The following APOBEC2 variants were observed in gnomAD, a reference collection of about 807,000 sequenced individuals.
APOBEC2 encodes apolipoprotein B mRNA editing enzyme catalytic subunit 2.
Under a neutral mutation model 19.4 loss-of-function variants are expected in APOBEC2, and 14 were observed. That is an observed-to-expected ratio of 0.72 (90% CI 0.48 to 1.13). The LOEUF (loss-of-function observed/expected upper bound fraction) is 1.13. Among genes scored for constraint, APOBEC2 ranks in the 50% most tolerant of loss-of-function variants. The pLI is 0.00. For synonymous variants in APOBEC2, 127 were observed against 112.1 expected, an observed-to-expected ratio of 1.13 and a Z score of -0.84; for missense variants, 304 against 277.0, an observed-to-expected ratio of 1.10 and a Z score of -0.69.
chr6:41,059,884 T>C (rs1332566618), intron 1 of APOBEC2, among the ~76,000 whole-genome samples: 6 of 152,178 alleles, frequency 3.9e-5, no homozygotes, highest in African/African-American at 1.4e-4. Flanking sequence ...CAGGCAATAG[T>C]AGAATTAATG....
intron 1 of APOBEC2, among the ~76,000 whole-genome samples, chr6:41,056,389 G>A (rs1373248957): frequency 6.6e-6 from 1 of 152,234 alleles, no homozygotes; most frequent in East Asian, 1.9e-4. Context: ...CCAAAGTGCT[G>A]GGACTATTGG....
At chr6:41,054,503 A>AT (rs1277235362) in intron 1 of APOBEC2, among the ~76,000 whole-genome samples, 2 of 152,174 alleles carry the variant, frequency 1.3e-5, no homozygotes, top group Non-Finnish European at 2.9e-5. Flanking sequence ...TTGACAAGTG[A>AT]TTTTCCAGTC....
rs760829942 is a variant in APOBEC2, at chr6:41,061,543, G to A, written c.347G>A (p.Arg116Gln). The stretch of plus-strand genomic sequence containing the variant: ...CTGCCAGCCTTCGACCCAGCCCTGC[G>A]GTACAATGTCACCTGGTATGTGTCC... ...TILPAFDPALRYNVTWYVSSS... is the reference protein window; with the variant it reads ...TILPAFDPALQYNVTWYVSSS... The change falls in exon 2 of 3, where the codon CGG becomes CAG. Residue 116 changes from arginine to glutamine, a missense_variant. Physicochemically the swap from Arg to Gln is conservative, Grantham distance 43. Coordinates refer to ENST00000244669, the MANE Select transcript of APOBEC2 (RefSeq NM_006789.4). The A allele has an allele frequency of 1.7e-5, 27 of 1,614,058 alleles. No homozygotes were observed. The highest frequency in any genetic ancestry group is 1.6e-4 in the Middle Eastern group (1 of 6,084).
In APOBEC2 at chr6:41,061,586, G is replaced by A. The variant is rs567946423; in HGVS notation, c.390G>A (p.Ala130=). 58 of 1,614,204 alleles carry A rather than the reference G, an allele frequency of 3.6e-5. No individual in the cohort carries two copies. The highest frequency in any genetic ancestry group is 3.2e-4 in the South Asian group (29 of 91,084). Residue 130 remains alanine (A), a synonymous_variant, in exon 2 of 3, where the codon GCG becomes GCA. Coordinates refer to ENST00000244669, the MANE Select transcript of APOBEC2 (RefSeq NM_006789.4). The part of the protein sequence containing the change: ...TWYVSSSPCA[A]CADRIIKTLS... ...ATGTGTCCTCCAGCCCCTGTGCAGC[G>A]TGTGCTGACCGCATTATCAAAACCC...
intron 1 of APOBEC2, among the ~76,000 whole-genome samples, chr6:41,059,875 A>G (rs988195501): frequency 2.0e-5 from 3 of 152,248 alleles, no homozygotes; most frequent in African/African-American, 7.2e-5. Context: ...AGGTGGAGAC[A>G]GGCAATAGTA....
chr6:41,062,293 G>A (rs1214400338), intron 2 of APOBEC2, among the ~76,000 whole-genome samples: 1 of 152,204 alleles, frequency 6.6e-6, no homozygotes, highest in African/African-American at 2.4e-5. Context: ...ACATCTTCTA[G>A]ATGCCTCACT....
intron 1 of APOBEC2, among the ~76,000 whole-genome samples, chr6:41,055,773 T>C (rs990807926): frequency 2.0e-5 from 3 of 152,194 alleles, no homozygotes; most frequent in Non-Finnish European, 4.4e-5. Context: ...GGTAGAATGT[T>C]CTGGAAAAGG....
chr6:41,053,774 G>C (rs12204489), intron 1 of APOBEC2, among the ~76,000 whole-genome samples: 62 of 152,320 alleles, frequency 4.1e-4, no homozygotes, highest in Non-Finnish European at 7.5e-4. Context: ...ATGGCCACCT[G>C]CCTCTCTGGG....
rs1762937212 is a variant in APOBEC2, at chr6:41,064,688, G to A, written c.*609G>A. 2 of 152,088 alleles carry A rather than the reference G, an allele frequency of 1.3e-5. No individual in the cohort carries two copies. The highest frequency in any genetic ancestry group is 2.9e-5 in the Non-Finnish European group (2 of 68,032). 9.4% of individuals were successfully genotyped at this position (152,088 alleles called of 1,614,324 possible). ...CAGACTTCTTACGACAATCAAGTGAGGGCCTTTCCCTTCTCTGAAGGCAAG... is the reference window on the plus strand; with the variant it reads ...CAGACTTCTTACGACAATCAAGTGAAGGCCTTTCCCTTCTCTGAAGGCAAG... On this transcript the variant is annotated 3_prime_UTR_variant, in exon 3 of 3. Transcript: ENST00000244669.
Position 41,061,597 on chromosome 6 carries a change from G to C in APOBEC2, c.401G>C (p.Arg134Pro), listed in dbSNP as rs748696871. 2.5e-6 allele frequency: 4 copies of C among 1,614,078 alleles called. No individual in the cohort carries two copies. The African/African-American group carries it at 4.0e-5, about 16-fold the overall frequency. Residue 134 changes from arginine (R) to proline (P), a missense_variant, in exon 2 of 3, where the codon CGC becomes CCC. By Grantham distance (103) the Arg-to-Pro change is moderately radical. Transcript: ENST00000244669. ...AGCCCCTGTGCAGCGTGTGCTGACC[G>C]CATTATCAAAACCCTTAGCAAGACC... ...SSSPCAACAD[R>P]IIKTLSKTKN...
Position 41,061,390 on chromosome 6 carries a change from G to A in APOBEC2, c.194G>A (p.Arg65Lys). Residue 65 changes from arginine (R) to lysine (K), a missense_variant, in exon 2 of 3, where the codon AGG becomes AAG. By Grantham distance (26) the Arg-to-Lys change is conservative (BLOSUM62 2). Transcript: ENST00000244669. ...CGGAATGTGGAGTACAGTTCCGGGA[G>A]GAACAAGACCTTCCTCTGCTATGTG... ...QFRNVEYSSG[R>K]NKTFLCYVVE... 6.3e-7 allele frequency: 1 copy of A among 1,587,744 alleles called. No homozygotes were observed. The highest frequency in any genetic ancestry group is 8.6e-7 in the Non-Finnish European group (1 of 1,167,960).
intron 1 of APOBEC2, among the ~76,000 whole-genome samples, chr6:41,060,854 T>C (rs527950790): frequency 5.1e-4 from 78 of 152,372 alleles, no homozygotes; most frequent in African/African-American, 1.8e-3. Flanking sequence ...TTTATATGCT[T>C]GCTACTTACC....
At chr6:41,056,157 T>C (rs1304271234) in intron 1 of APOBEC2, among the ~76,000 whole-genome samples, 2 of 152,260 alleles carry the variant, frequency 1.3e-5, no homozygotes, top group Non-Finnish European at 2.9e-5. Flanking sequence ...CTTCTTGCTC[T>C]GTTGCCCAGG....
chr6:41,054,514 A>C (rs1213609870), intron 1 of APOBEC2, among the ~76,000 whole-genome samples: 3 of 152,240 alleles, frequency 2.0e-5, no homozygotes, highest in Non-Finnish European at 4.4e-5. Context: ...TTTTCCAGTC[A>C]GCCACAGTTT....
At chr6:41,055,260 T>C (rs1370172583) in intron 1 of APOBEC2, among the ~76,000 whole-genome samples, 1 of 152,138 alleles carries the variant, frequency 6.6e-6, no homozygotes, top group South Asian at 2.1e-4. Flanking sequence ...TATCTCTATC[T>C]GGGAGGTAGT....
At chr6:41,058,147 C>T (rs1462944900) in intron 1 of APOBEC2, among the ~76,000 whole-genome samples, 8 of 116,244 alleles carry the variant, frequency 6.9e-5, no homozygotes, top group African/African-American at 3.2e-4. Context: ...ACCACCACCC[C>T]ACCCCACACA....
At chr6:41,063,146 G>A (rs1762900000) in intron 2 of APOBEC2, among the ~76,000 whole-genome samples, 1 of 152,134 alleles carries the variant, frequency 6.6e-6, no homozygotes, top group South Asian at 2.1e-4. Context: ...ACATGCACAT[G>A]GGCACCTGAT....
chr6:41,061,717 G>C lies in APOBEC2; in HGVS notation c.521G>C (p.Cys174Ser), dbSNP rs768429186. Residue 174 changes from cysteine to serine, a missense_variant, in exon 2 of 3, where the codon TGT becomes TCT. Transcript: ENST00000244669. ...AALKKLKEAG[C>S]KLRIMKPQDF... ...CTGAAGAAGCTGAAGGAGGCTGGCT[G>C]TAAACTGCGCATCATGAAGCCCCAG... 1 of 1,614,138 alleles carries C rather than the reference G, an allele frequency of 6.2e-7. No homozygotes were observed. The highest frequency in any genetic ancestry group is 1.3e-5 in the African/African-American group (1 of 74,942).
At chr6:41,056,298 T>C (rs964934985) in intron 1 of APOBEC2, among the ~76,000 whole-genome samples, 5 of 152,132 alleles carry the variant, frequency 3.3e-5, no homozygotes, top group African/African-American at 1.2e-4. Context: ...ATCTTTGTAT[T>C]TTTATAGAGA....
Sources: gnomAD v4.1 joint callset for allele counts (sites outside exome capture counted in the v4.1 genomes callset) on GRCh38, gnomAD v4.1.1 for gene constraint, MANE v1.5 for transcripts, NCBI Gene and HGNC (gene_info 2026-07-23, HGNC 2026-07-21) for gene names.